The following NPEPL1 variants were observed in gnomAD, a reference collection of about 807,000 sequenced individuals.
The protein encoded by NPEPL1 is probable aminopeptidase NPEPL1.
Under a neutral mutation model 52.4 loss-of-function variants are expected in NPEPL1, and 45 were observed. That is an observed-to-expected ratio of 0.86 (90% confidence interval 0.68 to 1.10). The LOEUF (loss-of-function observed/expected upper bound fraction) is 1.10. Ranked by LOEUF, NPEPL1 falls within the 50% of genes least tolerant of loss-of-function variation. NPEPL1 has a pLI of 0.00. For synonymous variants in NPEPL1, 360 were observed against 314.7 expected (o/e 1.14, Z -1.52); for missense variants, 696 against 710.9 (o/e 0.98, Z 0.24).
chr20:58,691,302 C>T (rs1426267224), upstream of NPEPL1: 3 of 597,970 alleles, frequency 5.0e-6, no homozygotes, highest in East Asian at 6.2e-5. Flanking sequence ...ATCCAATTAG[C>T]GTTGACTTTT....
At chr20:58,698,830 C>A in intron 4 of NPEPL1, 57 bp downstream of exon 4, 1 of 1,434,158 alleles carries the variant, frequency 7.0e-7, no homozygotes, top group Admixed American at 1.7e-5. Flanking sequence ...GTCATAGACT[C>A]CCAGGAGAGC....
chr20:58,706,587 C>T (rs776496335), intron 6 of NPEPL1, among the ~76,000 whole-genome samples: 26 of 152,172 alleles, frequency 1.7e-4, no homozygotes, highest in Non-Finnish European at 2.9e-4. Flanking sequence ...GCAGGAAGCA[C>T]GCAAGCCCAC....
In NPEPL1 at chr20:58,692,939, G is replaced by A; in HGVS notation, c.39G>A (p.Gly13=). The A allele has an allele frequency of 1.7e-6, 2 of 1,152,974 alleles. No individual in the cohort carries two copies. Among genetic ancestry groups the A allele is most frequent in the Non-Finnish European group, 2.2e-6 (2 of 922,258 alleles). 71.4% of individuals were successfully genotyped at this position (1,152,974 alleles called of 1,614,324 possible). Residue 13 remains glycine (G), a synonymous_variant, in exon 1 of 12, where the codon GGG becomes GGA. Coordinates refer to ENST00000356091, the MANE Select transcript of NPEPL1 (RefSeq NM_024663.4). The surrounding 1 kb of genome is among the most constrained non-coding windows in gnomAD (Gnocchi z 5.7). ...GGCTGCAGTTCCAGGCGAGCGCGGG[G>A]GACTCGGACCCACAGAGCCGGCCCC... is the stretch of plus-strand genomic sequence containing the variant. ...NVGLQFQASA[G]DSDPQSRPLL...
intron 1 of NPEPL1, 111 bp from the exon 2 acceptor site, chr20:58,693,626 G>A: frequency 2.1e-6 from 2 of 930,300 alleles, no homozygotes; most frequent in Non-Finnish European, 3.3e-6. Context: ...GAGCTGCGCA[G>A]TGCCCTTCCA....
At chr20:58,694,296 TG>T in intron 2 of NPEPL1, 125 bp from the exon 3 acceptor site, 1 of 967,696 alleles carries the variant, frequency 1.0e-6, no homozygotes, top group Non-Finnish European at 1.5e-6. Context: ...GCGGCTGCTG[TG>T]GGACATCTCT....
At chr20:58,707,236 C>T in intron 7 of NPEPL1, 36 bp downstream of exon 7, 11 of 1,520,546 alleles carry the variant, frequency 7.2e-6, no homozygotes, top group South Asian at 1.2e-5. Flanking sequence ...CAGGGGCATC[C>T]TGGGTGTGCC....
chr20:58,693,934 G>A lies in NPEPL1; in HGVS notation c.336+12G>A, dbSNP rs745940835. The stretch of plus-strand genomic sequence containing the variant: ...ATCGCTGCATTGTGGTGAGTGCTTC[G>A]AGAGGAGGCAGCCACGGTGCTCCTA... On this transcript the variant is annotated intron_variant, in intron 2 of 11. Coordinates refer to ENST00000356091, the MANE Select transcript of NPEPL1 (RefSeq NM_024663.4). 1.9e-6 allele frequency: 3 copies of A among 1,560,716 alleles called. No homozygotes were observed. Among genetic ancestry groups the A allele is most frequent in the Non-Finnish European group, 2.6e-6 (3 of 1,149,508 alleles).
At chr20:58,705,669 CTT>C (rs997101495) in intron 6 of NPEPL1, 4 of 420,646 alleles carry the variant, frequency 9.5e-6, no homozygotes, top group Non-Finnish European at 2.0e-5. Flanking sequence ...GCTGGTGAAA[CTT>C]TGCACAATCA....
rs561566627 is a variant in NPEPL1, at chr20:58,712,416, C to T, written c.901-63C>T. 4.5e-5 allele frequency: 49 copies of T among 1,092,170 alleles called. No homozygotes were observed. In the African/African-American group the frequency reaches 7.0e-4, roughly 16 times the overall value. 67.7% of individuals were successfully genotyped at this position (1,092,170 alleles called of 1,614,324 possible). ...TCTGTGGGTCTGAGAACCCCCAGCT[C>T]GTCCTCCCCCCTCCCCAAACCTATG... On this transcript the variant is annotated intron_variant, in intron 7 of 11. Coordinates refer to ENST00000356091, the MANE Select transcript of NPEPL1 (RefSeq NM_024663.4).
chr20:58,715,078 G>GGAGGGGACCCAGGAGGT (rs2084926233), intron 11 of NPEPL1, 90 bp from the exon 12 acceptor site: 3 of 1,405,634 alleles, frequency 2.1e-6, no homozygotes, highest in Non-Finnish European at 2.9e-6. Flanking sequence ...TGGGGCACGT[G>GGAGGGGACCCAGGAGGT]GAGGGGACCC....
rs1489330509 is a variant in NPEPL1 at position 58,694,519 on chromosome 20, A to G, written c.434A>G (p.Glu145Gly). The change falls in exon 3 of 12, where the codon GAG becomes GGG. Residue 145 changes from glutamate (E) to glycine (G), a missense_variant. By Grantham distance (98) the Glu-to-Gly change is moderately conservative. Coordinates refer to ENST00000356091, the MANE Select transcript of NPEPL1 (RefSeq NM_024663.4). ...CGCTCAGGTGCCTCTCGGCGCTTGG[A>G]GAAGAAGACGGTCACCGTGGAGTTT... The part of the protein sequence containing the change: ...THRSGASRRL[E>G]KKTVTVEFFL... The G allele has an allele frequency of 6.2e-7, 1 of 1,613,808 alleles. No homozygotes were observed. The highest frequency in any genetic ancestry group is 1.7e-5 in the Admixed American group (1 of 60,022).
chr20:58,696,170 G>C (rs2084486777), intron 3 of NPEPL1, among the ~76,000 whole-genome samples: 1 of 152,212 alleles, frequency 6.6e-6, no homozygotes, highest in Admixed American at 6.5e-5. Context: ...CCTGACCTCT[G>C]CTGCCCTCAG....
chr20:58,709,079 C>T (rs1368983991), intron 7 of NPEPL1, among the ~76,000 whole-genome samples: 1 of 151,690 alleles, frequency 6.6e-6, no homozygotes, highest in Non-Finnish European at 1.5e-5. Context: ...AGGCAGCAGC[C>T]GTGAGTGTTC....
chr20:58,704,499 T>C (rs1329486734), intron 6 of NPEPL1: 2 of 447,170 alleles, frequency 4.5e-6, no homozygotes, highest in Non-Finnish European at 5.8e-6. Flanking sequence ...TCATTAAAAA[T>C]AACATATAAA....
upstream of NPEPL1, among the ~76,000 whole-genome samples, chr20:58,689,491 C>T (rs1266225780): frequency 6.6e-6 from 1 of 152,100 alleles, no homozygotes; most frequent in African/African-American, 2.4e-5. Flanking sequence ...AAACTCCTGG[C>T]CTCAAGTGAT....
intron 7 of NPEPL1, among the ~76,000 whole-genome samples, chr20:58,709,264 A>G (rs2084791631): frequency 6.6e-6 from 1 of 151,764 alleles, no homozygotes. Flanking sequence ...GCCTTCACAT[A>G]TCCTTGTTGG....
chr20:58,693,620 T>C lies in NPEPL1; in HGVS notation c.151-117T>C. ...GGATGGGAAAACGGTGGCCGGGAGC[T>C]GCGCAGTGCCCTTCCAGGACTGCAG... On this transcript the variant is annotated intron_variant, in intron 1 of 11. Transcript: ENST00000356091. 3 of 850,128 alleles carry C rather than the reference T, an allele frequency of 3.5e-6. No individual in the cohort carries two copies. In the South Asian group the frequency reaches 5.3e-5, roughly 15 times the overall value. 52.7% of individuals were successfully genotyped at this position (850,128 alleles called of 1,614,324 possible). A position where few individuals can be genotyped will look rare whatever the true frequency, so the allele number is the denominator to read the frequency against.
intron 3 of NPEPL1, among the ~76,000 whole-genome samples, chr20:58,695,749 T>C (rs960323799): frequency 2.0e-5 from 3 of 152,226 alleles, no homozygotes; most frequent in African/African-American, 7.2e-5. Context: ...CTCCCCTTTT[T>C]TCCCTTCGTC....
Position 58,693,778 on chromosome 20 carries a change from G to C in NPEPL1, c.192G>C (p.Thr64=). Residue 64 remains threonine, a synonymous_variant, in exon 2 of 12, where the codon ACG becomes ACC. Coordinates refer to ENST00000356091, the MANE Select transcript of NPEPL1 (RefSeq NM_024663.4). The part of the protein sequence containing the change: ...AALSTLNPNP[T]DSCPLYLNYA... ...TGAGCACGCTCAACCCCAACCCCACGGACAGCTGTCCCCTCTACCTGAACT... is the reference window on the plus strand; with the variant it reads ...TGAGCACGCTCAACCCCAACCCCACCGACAGCTGTCCCCTCTACCTGAACT... 16 of 1,613,248 alleles carry C rather than the reference G, an allele frequency of 9.9e-6. No individual in the cohort carries two copies. The highest frequency in any genetic ancestry group is 1.4e-5 in the Non-Finnish European group (16 of 1,179,334).
Sources: gnomAD v4.1 joint callset for allele counts (sites outside exome capture counted in the v4.1 genomes callset) on GRCh38, gnomAD v4.1.1 for gene constraint, Gnocchi (gnomAD v3.1) non-coding constraint, MANE v1.5 for transcripts, NCBI Gene and HGNC (gene_info 2026-07-23, HGNC 2026-07-21) for gene names.